FRMD4B: variants seen among roughly 807,000 people sequenced by gnomAD.
FRMD4B encodes FERM domain containing 4B, also known as FERM domain-containing protein 4B.
Under a neutral mutation model 141.5 loss-of-function variants are expected in FRMD4B, and 74 were observed. The observed-to-expected ratio is 0.52, with a 90% CI of 0.43 to 0.63. The LOEUF (loss-of-function observed/expected upper bound fraction) is 0.63. Among genes scored for constraint, FRMD4B ranks in the 30% least tolerant of loss-of-function variants. The probability of loss-of-function intolerance (pLI) is 0.00; values close to 1 mark genes in which losing one functional copy is unlikely to be tolerated. For synonymous variants in FRMD4B, 506 were observed against 467.9 expected, an observed-to-expected ratio of 1.08 and a Z score of -1.05; for missense variants, 1,366 against 1,253.4, an observed-to-expected ratio of 1.09 and a Z score of -1.36.
At chr3:69,396,031 T>C (rs1160905033) in intron 2 of FRMD4B, among the ~76,000 whole-genome samples, 1 of 152,232 alleles carries the variant, frequency 6.6e-6, no homozygotes, top group Non-Finnish European at 1.5e-5. Flanking sequence ...TTATTCTTTG[T>C]ATGTTTATAT....
chr3:69,180,583 A>G (rs2092695598), intron 21 of FRMD4B, among the ~76,000 whole-genome samples: 1 of 152,058 alleles, frequency 6.6e-6, no homozygotes, highest in Non-Finnish European at 1.5e-5. Context: ...CGACAGAGTG[A>G]GACTCCTTCT....
intron 1 of FRMD4B, among the ~76,000 whole-genome samples, chr3:69,440,985 CT>C (rs1040835260): frequency 6.6e-6 from 1 of 152,080 alleles, no homozygotes; most frequent in African/African-American, 2.4e-5. Flanking sequence ...TTACAATAAC[CT>C]TTTTTTCCTG....
chr3:69,273,504 T>A (rs1462367265), intron 5 of FRMD4B, among the ~76,000 whole-genome samples: 2 of 152,210 alleles, frequency 1.3e-5, no homozygotes, highest in African/African-American at 2.4e-5. Flanking sequence ...GTATCAACTC[T>A]GGAAAATTGA....
chr3:69,263,817 C>CTTTTT lies in FRMD4B; in HGVS notation c.502-13723_502-13719dup, dbSNP rs3032130. Reference sequence around the variant, plus strand: ...ATCTGACTGAATGGCAACCCCATTCCTTTTTTTTTTTTTTTTTTTTTTTTT... The same window carrying CTTTTT: ...ATCTGACTGAATGGCAACCCCATTCCTTTTTTTTTTTTTTTTTTTTTTTTTTTTTT... On this transcript the variant is annotated intron_variant, in intron 5 of 22. Transcript: ENST00000398540. 1.2e-3 allele frequency among the ~76,000 whole-genome samples: 83 copies of CTTTTT among 68,560 alleles called. 2 individuals carry two copies. Among genetic ancestry groups the CTTTTT allele is most frequent in the Admixed American group, 1.6e-3 (6 of 3,852 alleles). 45.0% of individuals were successfully genotyped at this position (68,560 alleles called of 152,430 possible).
At position 69,250,043 on chromosome 3, in the gene FRMD4B, C is replaced by G. The variant is rs1417551549; in HGVS notation, c.558G>C (p.Gln186His). The G allele has an allele frequency of 6.2e-7, 1 of 1,601,784 alleles. No individual in the cohort carries two copies. The highest frequency in any genetic ancestry group is 8.6e-7 in the Non-Finnish European group (1 of 1,168,718). Reference sequence around the variant, plus strand: ...TAAGAGGCAGTTTGTCCAATCTTACCTGTAAAATAAACGCTGCTAACTTGA... The same window carrying G: ...TAAGAGGCAGTTTGTCCAATCTTACGTGTAAAATAAACGCTGCTAACTTGA... Reference protein sequence around the residue: ...TIFKLAAFILQEAKGDYTSDE... With the variant: ...TIFKLAAFILHEAKGDYTSDE... Residue 186 changes from glutamine to histidine, a missense_variant and splice_region_variant, in exon 6 of 23, where the codon CAG becomes CAC. By Grantham distance (24) the Gln-to-His change is conservative. Coordinates refer to ENST00000398540, the MANE Select transcript of FRMD4B (RefSeq NM_015123.3).
rs1262027515 is a variant in FRMD4B, at chr3:69,290,360, G to A, written c.417-2524C>T. Among the ~76,000 whole-genome samples, 5 of 152,226 alleles carry A rather than the reference G, an allele frequency of 3.3e-5. No homozygotes were observed. The South Asian group carries it at 1.0e-3, about 31-fold the overall frequency. On this transcript the variant is annotated intron_variant, in intron 4 of 22. Transcript: ENST00000398540. Reference sequence around the variant, plus strand: ...ACGAGGCAGCAGAAGCCATGAAGTAGAGAGGGACAAGAGTCCACAGCAGGA... The same window carrying A: ...ACGAGGCAGCAGAAGCCATGAAGTAAAGAGGGACAAGAGTCCACAGCAGGA...
chr3:69,388,470 C>A (rs150475125), upstream of FRMD4B, among the ~76,000 whole-genome samples: 1 of 152,252 alleles, frequency 6.6e-6, no homozygotes, highest in East Asian at 1.9e-4. Context: ...GCGATCAGAG[C>A]TTTCAGTTGG....
chr3:69,213,236 A>AT (rs1468447700), intron 11 of FRMD4B, among the ~76,000 whole-genome samples: 14 of 152,182 alleles, frequency 9.2e-5, no homozygotes, highest in East Asian at 5.8e-4. Context: ...AACTGGTACC[A>AT]TTTTTTTAAC....
At chr3:69,228,534 C>T (rs2093275837) in intron 7 of FRMD4B, 2 of 444,366 alleles carry the variant, frequency 4.5e-6, no homozygotes, top group South Asian at 1.6e-5. Context: ...TTTAATTTAT[C>T]TTCACATAAG....
chr3:69,353,896 C>G (rs1169906770), intron 1 of FRMD4B, among the ~76,000 whole-genome samples: 1 of 152,198 alleles, frequency 6.6e-6, no homozygotes, highest in African/African-American at 2.4e-5. Flanking sequence ...ACATTTAAAA[C>G]ATATGATGAA....
rs1384985496 is a variant in FRMD4B, at chr3:69,195,328, C to T, written c.1271G>A (p.Arg424Lys). 1.9e-6 allele frequency: 3 copies of T among 1,612,924 alleles called. No homozygotes were observed. The highest frequency in any genetic ancestry group is 1.3e-5 in the African/African-American group (1 of 74,768). The change falls in exon 15 of 23, where the codon AGA (arginine) becomes AAA (lysine). Residue 424 changes from arginine to lysine, a missense_variant. Arg to Lys is a conservative substitution (Grantham distance 26). Transcript: ENST00000398540. ...QDSEVSEEQKREKILELKKKE... is the reference protein window; with the variant it reads ...QDSEVSEEQKKEKILELKKKE... Reference sequence around the variant, plus strand: ...CTTCTTTAGTTCAAGGATTTTTTCTCTCTTTTGCTCTTCACTAACTTCTGA... The same window carrying T: ...CTTCTTTAGTTCAAGGATTTTTTCTTTCTTTTGCTCTTCACTAACTTCTGA...
At chr3:69,326,998 C>T (rs1458427538) in intron 1 of FRMD4B, among the ~76,000 whole-genome samples, 1 of 152,004 alleles carries the variant, frequency 6.6e-6, no homozygotes, top group African/African-American at 2.4e-5. Context: ...GGCACAGATA[C>T]TGTAAACAGG....
intron 11 of FRMD4B, among the ~76,000 whole-genome samples, chr3:69,213,710 C>T (rs557696217): frequency 3.2e-4 from 48 of 149,996 alleles, no homozygotes; most frequent in African/African-American, 1.1e-3. Context: ...TCACCCAGGC[C>T]GGAGTGCAGT....
At chr3:69,376,863 A>G (rs545595496) in intron 1 of FRMD4B, 2 of 152,268 alleles carry the variant, frequency 1.3e-5, no homozygotes, top group South Asian at 2.1e-4. Flanking sequence ...ACAACAACCA[A>G]CTGGGACAAC....
intron 1 of FRMD4B, among the ~76,000 whole-genome samples, chr3:69,383,712 G>A (rs2128970): frequency 0.5 from 76,309 of 151,152 alleles, 19,430 homozygotes; most frequent in East Asian, 0.61. Flanking sequence ...GGTTCATGAC[G>A]CTATACCTGG....
At chr3:69,353,344 C>T (rs536812377) in intron 1 of FRMD4B, among the ~76,000 whole-genome samples, 44 of 152,294 alleles carry the variant, frequency 2.9e-4, no homozygotes, top group African/African-American at 1.0e-3. Context: ...AAAGTAATTC[C>T]TTCACAAGAG....
chr3:69,294,918 C>T (rs973686605), intron 4 of FRMD4B, among the ~76,000 whole-genome samples: 14 of 152,262 alleles, frequency 9.2e-5, no homozygotes, highest in African/African-American at 1.4e-4. Context: ...ATGATAAGAT[C>T]TTTCACCCAG....
At chr3:69,204,309 G>C (rs944743596) in intron 11 of FRMD4B, among the ~76,000 whole-genome samples, 4 of 152,150 alleles carry the variant, frequency 2.6e-5, no homozygotes, top group Admixed American at 6.5e-5. Flanking sequence ...ATGAATTGAA[G>C]GTAGATGCCA....
chr3:69,188,892 ACT>A (rs1321568565), intron 18 of FRMD4B, among the ~76,000 whole-genome samples: 9 of 151,014 alleles, frequency 6.0e-5, no homozygotes, highest in Non-Finnish European at 1.2e-4. Flanking sequence ...ACAAAGAAAC[ACT>A]CTATTAGTTG....
Sources: gnomAD v4.1 joint callset for allele counts (sites outside exome capture counted in the v4.1 genomes callset) on GRCh38, gnomAD v4.1.1 for gene constraint, MANE v1.5 for transcripts, NCBI Gene and HGNC (gene_info 2026-07-23, HGNC 2026-07-21) for gene names.